RPGRIP1L: variants seen among roughly 807,000 people sequenced by gnomAD.
RPGRIP1L encodes protein fantom.
In RPGRIP1L, 131 loss-of-function variants were observed where a neutral mutation model predicts 160.4. The observed-to-expected ratio is 0.82, with a 90% CI of 0.71 to 0.94. The LOEUF (loss-of-function observed/expected upper bound fraction) is 0.94. Among genes scored for constraint, RPGRIP1L ranks in the 40% least tolerant of loss-of-function variants. RPGRIP1L has a pLI of 0.00. For synonymous variants in RPGRIP1L, 510 were observed against 515.8 expected (o/e 0.99, Z 0.15); for missense variants, 1,522 against 1,535.8 (o/e 0.99, Z 0.15).
At chr16:53,699,067 T>G (rs975220528) in intron 2 of RPGRIP1L, among the ~76,000 whole-genome samples, 7 of 152,114 alleles carry the variant, frequency 4.6e-5, no homozygotes, top group African/African-American at 1.7e-4. Flanking sequence ...TGCCTTGGGA[T>G]CCTGTTGATC....
rs768545485 is a variant in RPGRIP1L, at chr16:53,696,282, T to G, written c.99A>C (p.Thr33=). The G allele has an allele frequency of 1.2e-6, 2 of 1,613,988 alleles. No individual in the cohort carries two copies. Among genetic ancestry groups the G allele is most frequent in the Admixed American group, 3.3e-5 (2 of 60,026 alleles). Residue 33 remains threonine, a synonymous_variant, in exon 3 of 27, where the codon ACA becomes ACC. Coordinates refer to ENST00000647211, the MANE Select transcript of RPGRIP1L (RefSeq NM_015272.5). ...GMGGLQETST[T]RTMKSRQAVS... ...CTGCCTGGCGAGACTTCATTGTCCG[T>G]GTTGTTGAAGTTTCTGCAAAAATGC...
At chr16:53,696,643 G>A (rs1423749462) in intron 2 of RPGRIP1L, among the ~76,000 whole-genome samples, 1 of 152,072 alleles carries the variant, frequency 6.6e-6, no homozygotes, top group African/African-American at 2.4e-5. Flanking sequence ...AAGAGTATCC[G>A]AAGCTTATTT....
intron 22 of RPGRIP1L, among the ~76,000 whole-genome samples, chr16:53,626,145 TAA>T (rs760491478): frequency 0.082 from 4,950 of 60,488 alleles, 118 homozygotes; most frequent in East Asian, 0.36. Flanking sequence ...CAATAAATAC[TAA>T]AAAAAAAAAA....
intron 1 of RPGRIP1L, chr16:53,701,922 C>A (rs1268906785): frequency 6.6e-6 from 1 of 152,158 alleles, no homozygotes; most frequent in Non-Finnish European, 1.5e-5. Context: ...TTTACAGAAA[C>A]AGCTAACAGA....
At chr16:53,694,341 G>A (rs1157449311) in intron 3 of RPGRIP1L, 1 of 150,238 alleles carries the variant, frequency 6.7e-6, no homozygotes, top group African/African-American at 2.5e-5. Flanking sequence ...GGAGGCTGAG[G>A]CAGGAGAATC....
chr16:53,686,458 G>C lies in RPGRIP1L; in HGVS notation c.751C>G (p.Arg251Gly). The C allele has an allele frequency of 6.2e-7, 1 of 1,613,280 alleles. No individual in the cohort carries two copies. Among genetic ancestry groups the C allele is most frequent in the Non-Finnish European group, 8.5e-7 (1 of 1,179,690 alleles). ...NEIELSLLQLREQQATDQRSN... is the reference protein window; with the variant it reads ...NEIELSLLQLGEQQATDQRSN... ...CTTTGATCTGTAGCTTGCTGTTCTCGAAGCTGAAGAAGAGATAACTCAATT... is the reference window on the plus strand; with the variant it reads ...CTTTGATCTGTAGCTTGCTGTTCTCCAAGCTGAAGAAGAGATAACTCAATT... Residue 251 changes from arginine to glycine, a missense_variant, in exon 6 of 27, where the codon CGA becomes GGA. By Grantham distance (125) the Arg-to-Gly change is moderately radical. Transcript: ENST00000647211.
intron 24 of RPGRIP1L, among the ~76,000 whole-genome samples, chr16:53,612,764 C>T (rs1964137351): frequency 6.6e-6 from 1 of 151,998 alleles, no homozygotes; most frequent in Non-Finnish European, 1.5e-5. Context: ...ATTTACCATC[C>T]TAAATTAACA....
At chr16:53,671,640 TAA>T in intron 8 of RPGRIP1L, 57 bp from the exon 9 acceptor site, 1 of 892,972 alleles carries the variant, frequency 1.1e-6, no homozygotes. Context: ...CACTTGGGGG[TAA>T]AAAAAAACAT....
chr16:53,602,034 G>T lies in RPGRIP1L; in HGVS notation c.*42C>A. 1 of 1,123,386 alleles carries T rather than the reference G, an allele frequency of 8.9e-7. No homozygotes were observed. The highest frequency in any genetic ancestry group is 1.4e-6 in the Non-Finnish European group (1 of 738,330). 69.6% of individuals were successfully genotyped at this position (1,123,386 alleles called of 1,614,324 possible). ...ATCTCATGTAGGAACTTTCATGTGA[G>T]CATTTACTGAGGAGTAGGAGATGCC... On this transcript the variant is annotated 3_prime_UTR_variant, in exon 27 of 27. Transcript: ENST00000647211.
At chr16:53,686,396 T>C in intron 6 of RPGRIP1L, 37 bp downstream of exon 6, 1 of 1,600,842 alleles carries the variant, frequency 6.2e-7, no homozygotes, top group Non-Finnish European at 8.5e-7. Flanking sequence ...TAAACTAATT[T>C]TGACCTTATC....
chr16:53,648,622 G>GTGCACA (rs1555602430), intron 16 of RPGRIP1L, among the ~76,000 whole-genome samples: 1 of 102,136 alleles, frequency 9.8e-6, no homozygotes, highest in African/African-American at 3.2e-5. Context: ...GTGCGCGCGC[G>GTGCACA]CGCGCACACA....
chr16:53,645,978 G>A lies in RPGRIP1L; in HGVS notation c.2330C>T (p.Ala777Val). Residue 777 changes from alanine to valine, a missense_variant, in exon 17 of 27, where the codon GCT (alanine) becomes GTT (valine). Physicochemically the swap from Ala to Val is moderately conservative, Grantham distance 64. Transcript: ENST00000647211. The stretch of plus-strand genomic sequence containing the variant: ...TGTGGAATCTGTAGAACTGAGTTGA[G>A]CAGTTTTGGGTGCTTGCTGACTTAA... ...QSLSQQAPKT[A>V]QLSSTDSTDG... 1.2e-6 allele frequency: 2 copies of A among 1,614,054 alleles called. No individual in the cohort carries two copies. Among genetic ancestry groups the A allele is most frequent in the Non-Finnish European group, 1.7e-6 (2 of 1,179,960 alleles).
chr16:53,602,618 A>G (rs1963437636), intron 26 of RPGRIP1L, among the ~76,000 whole-genome samples: 1 of 152,068 alleles, frequency 6.6e-6, no homozygotes, highest in African/African-American at 2.4e-5. Context: ...TCTACTAAAA[A>G]TACAAAATTA....
intron 22 of RPGRIP1L, among the ~76,000 whole-genome samples, chr16:53,625,428 G>C (rs1184257220): frequency 2.0e-5 from 3 of 148,336 alleles, no homozygotes; most frequent in Non-Finnish European, 4.5e-5. Flanking sequence ...CCGTCTGGGG[G>C]GTGGGGTGGG....
intron 21 of RPGRIP1L, 103 bp from the exon 22 acceptor site, chr16:53,636,615 G>C (rs1056393487): frequency 5.3e-5 from 41 of 766,628 alleles, no homozygotes; most frequent in Admixed American, 3.1e-4. Context: ...ATAACCTTAA[G>C]AAACATGGTA....
chr16:53,657,604 A>T lies in RPGRIP1L; in HGVS notation c.1430T>A (p.Leu477His). 1.3e-6 allele frequency: 2 copies of T among 1,594,698 alleles called. No individual in the cohort carries two copies. The highest frequency in any genetic ancestry group is 1.7e-6 in the Non-Finnish European group (2 of 1,168,162). Reference sequence around the variant, plus strand: ...ACTATCTACTTTCACTAAAAAGGAAAGGTCTCCATTTTTTTGTTCTTTTTG... The same window carrying T: ...ACTATCTACTTTCACTAAAAAGGAATGGTCTCCATTTTTTTGTTCTTTTTG... ...KAQKEQKNGD[L>H]SFLVKVDSEI... The change falls in exon 13 of 27, where the codon CTT (leucine) becomes CAT (histidine). Residue 477 changes from leucine to histidine, a missense_variant. Physicochemically the swap from Leu to His is moderately conservative, Grantham distance 99. Transcript: ENST00000647211.
chr16:53,672,587 G>T (rs893550530), intron 8 of RPGRIP1L, among the ~76,000 whole-genome samples: 1 of 152,124 alleles, frequency 6.6e-6, no homozygotes, highest in Non-Finnish European at 1.5e-5. Flanking sequence ...AGAAAGTTAA[G>T]TTCCATAGGT....
Position 53,652,694 on chromosome 16 carries a change from C to T in RPGRIP1L, c.1993G>A (p.Val665Ile), listed in dbSNP as rs746110135. Residue 665 changes from valine to isoleucine, a missense_variant, in exon 15 of 27, where the codon GTT becomes ATT. Transcript: ENST00000647211. ...YNFTSQYLVH[V>I]NDLFLQYIQK... The stretch of plus-strand genomic sequence containing the variant: ...ATATATTGCAAAAATAAGTCATTAA[C>T]ATGAACAAGATATTGAGAAGTGAAG... The T allele has an allele frequency of 1.2e-6, 2 of 1,614,030 alleles. No homozygotes were observed. Among genetic ancestry groups the T allele is most frequent in the South Asian group, 2.2e-5 (2 of 91,070 alleles).
chr16:53,665,342 T>C (rs1045932623), intron 9 of RPGRIP1L, among the ~76,000 whole-genome samples: 3 of 152,190 alleles, frequency 2.0e-5, no homozygotes, highest in East Asian at 1.9e-4. Flanking sequence ...AACTCAGCAA[T>C]TGACATCGGA....
Sources: allele counts gnomAD v4.1 joint callset (sites outside exome capture counted in the v4.1 genomes callset), GRCh38; gene constraint gnomAD v4.1.1; transcripts MANE v1.5; gene names NCBI Gene and HGNC (gene_info 2026-07-23, HGNC 2026-07-21).